ARMC3: variants seen among roughly 807,000 people sequenced by gnomAD.
ARMC3 encodes armadillo repeat containing 3.
ARMC3 carries 74 observed loss-of-function variants against 90.3 expected under a neutral mutation model. That is an observed-to-expected ratio of 0.82 (90% CI 0.68 to 0.99). The LOEUF (loss-of-function observed/expected upper bound fraction) is 0.99, where lower values mean the gene tolerates loss of function less well. Ranked by LOEUF, ARMC3 falls within the 50% of genes least tolerant of loss-of-function variation. The pLI is 0.00. For synonymous variants in ARMC3, 334 were observed against 361.8 expected (o/e 0.92, Z 0.87); for missense variants, 958 against 1,042.8 (o/e 0.92, Z 1.12).
intron 1 of ARMC3, among the ~76,000 whole-genome samples, chr10:22,931,296 T>C (rs1833921918): frequency 6.6e-6 from 1 of 152,202 alleles, no homozygotes; most frequent in Non-Finnish European, 1.5e-5. Flanking sequence ...TCCATTCCTT[T>C]CACTTTTTCC....
At chr10:23,006,445 A>G (rs1837618879) in intron 13 of ARMC3, among the ~76,000 whole-genome samples, 1 of 152,248 alleles carries the variant, frequency 6.6e-6, no homozygotes, top group Admixed American at 6.5e-5. Flanking sequence ...AAAGTGATCT[A>G]GTCTAGCCCT....
chr10:22,968,451 A>C lies in ARMC3; in HGVS notation c.878A>C (p.Lys293Thr), dbSNP rs1165427883. The C allele has an allele frequency of 6.2e-7, 1 of 1,604,874 alleles. No homozygotes were observed. Among genetic ancestry groups the C allele is most frequent in the South Asian group, 1.1e-5 (1 of 89,270 alleles). The change falls in exon 8 of 19, where the codon AAG (lysine) becomes ACG (threonine). Residue 293 changes from lysine (K) to threonine (T), a missense_variant. Coordinates refer to ENST00000298032, the MANE Select transcript of ARMC3 (RefSeq NM_173081.5). ...AENSTIPDIQKNAAKAITKAA... is the reference protein window; with the variant it reads ...AENSTIPDIQTNAAKAITKAA... ...AACTCTACAATTCCTGATATTCAGA[A>C]GAATGCAGCAAAAGCCATTACTAAA...
chr10:23,037,221 C>T (rs776316345), intron 18 of ARMC3, 49 bp from the exon 19 acceptor site: 1 of 1,465,038 alleles, frequency 6.8e-7, no homozygotes, highest in Non-Finnish European at 9.2e-7. Flanking sequence ...GGATATTCCC[C>T]ACCCCTCTCC....
chr10:22,985,697 C>T (rs953770058), intron 10 of ARMC3, among the ~76,000 whole-genome samples: 1 of 152,108 alleles, frequency 6.6e-6, no homozygotes, highest in Non-Finnish European at 1.5e-5. Flanking sequence ...GTTATGGATA[C>T]GTGGATATGG....
Position 23,008,360 on chromosome 10 carries a change from T to A in ARMC3, c.1914T>A (p.Ser638Arg). Residue 638 changes from serine (S) to arginine (R), a missense_variant, in exon 15 of 19, where the codon AGT becomes AGA. Physicochemically the swap from Ser to Arg is moderately radical, Grantham distance 110. Transcript: ENST00000298032. Reference sequence around the variant, plus strand: ...CTTCATCTTCCTTAAGAAGATCAAGTAAAGAAAAGAACAAGTAAGAAAATG... The same window carrying A: ...CTTCATCTTCCTTAAGAAGATCAAGAAAAGAAAAGAACAAGTAAGAAAATG... Reference protein sequence around the residue: ...ISSSSSLRRSSKEKNKKNSYH... With the variant: ...ISSSSSLRRSRKEKNKKNSYH... 1 of 1,472,152 alleles carries A rather than the reference T, an allele frequency of 6.8e-7. No individual in the cohort carries two copies. The highest frequency in any genetic ancestry group is 9.3e-7 in the Non-Finnish European group (1 of 1,071,140). The allele number at this position is 1,472,152 out of a possible 1,614,324, so 91.2% of individuals were successfully genotyped here. A position where few individuals can be genotyped will look rare whatever the true frequency, so the allele number is the denominator to read the frequency against.
chr10:22,997,764 G>A (rs1375724838), intron 10 of ARMC3, among the ~76,000 whole-genome samples: 1 of 152,126 alleles, frequency 6.6e-6, no homozygotes, highest in Non-Finnish European at 1.5e-5. Context: ...TATGGTTCAT[G>A]TATGAAATCA....
chr10:22,974,440 A>T (rs944515460), intron 8 of ARMC3, among the ~76,000 whole-genome samples: 2 of 152,084 alleles, frequency 1.3e-5, no homozygotes, highest in African/African-American at 4.8e-5. Flanking sequence ...TTTATGTTTT[A>T]TGCTTTCTGT....
intron 3 of ARMC3, among the ~76,000 whole-genome samples, chr10:22,953,159 G>C (rs1213874201): frequency 6.6e-6 from 1 of 152,120 alleles, no homozygotes; most frequent in Non-Finnish European, 1.5e-5. Context: ...GGTCAGAAGG[G>C]CGTGATTTCT....
intron 2 of ARMC3, among the ~76,000 whole-genome samples, chr10:22,942,446 G>A (rs2131169719): frequency 6.6e-6 from 1 of 152,272 alleles, no homozygotes; most frequent in South Asian, 2.1e-4. Flanking sequence ...AAAGTAATGA[G>A]AACACTTCTC....
chr10:23,014,137 T>C lies in ARMC3; in HGVS notation c.2045+5206T>C, dbSNP rs762032403. 42 of 1,546,572 alleles carry C rather than the reference T, an allele frequency of 2.7e-5. No homozygotes were observed. In the South Asian group the frequency reaches 3.7e-4, roughly 14 times the overall value. On this transcript the variant is annotated intron_variant, in intron 16 of 18. Coordinates refer to ENST00000298032, the MANE Select transcript of ARMC3 (RefSeq NM_173081.5). The stretch of plus-strand genomic sequence containing the variant: ...TTCAAGATAAACCCTGAAGCACTCC[T>C]AGGATTTAAGAGGATTGTTGGCATG...
chr10:22,968,247 A>T, intron 7 of ARMC3, 59 bp from the exon 8 acceptor site: 1 of 1,500,460 alleles, frequency 6.7e-7, no homozygotes, highest in Non-Finnish European at 9.2e-7. Context: ...TTGTAGTCAA[A>T]TTTGGGAAGT....
intron 14 of ARMC3, among the ~76,000 whole-genome samples, chr10:23,007,448 C>T (rs1027874709): frequency 1.3e-5 from 2 of 152,152 alleles, no homozygotes; most frequent in African/African-American, 4.8e-5. Flanking sequence ...TGGCTGACAC[C>T]TGTAATCCCA....
intron 18 of ARMC3, among the ~76,000 whole-genome samples, chr10:23,034,783 G>T (rs1000500531): frequency 6.6e-5 from 10 of 152,134 alleles, no homozygotes; most frequent in African/African-American, 2.4e-5. Context: ...GTTCCTCAAG[G>T]TTCTGACCCA....
intron 10 of ARMC3, among the ~76,000 whole-genome samples, chr10:22,982,752 C>G (rs1366517832): frequency 1.3e-5 from 2 of 152,054 alleles, no homozygotes; most frequent in Non-Finnish European, 2.9e-5. Flanking sequence ...TGTTAGTTAG[C>G]TTTCATTTAT....
chr10:22,953,976 C>A (rs1031042234), intron 3 of ARMC3, among the ~76,000 whole-genome samples: 7 of 152,196 alleles, frequency 4.6e-5, no homozygotes, highest in Non-Finnish European at 1.5e-5. Context: ...GTTTTATATT[C>A]TCACCAGCAA....
rs1289157810 is a variant in ARMC3 at position 23,030,734 on chromosome 10, T to C, written c.2184T>C (p.Tyr728=). 1 of 1,613,864 alleles carries C rather than the reference T, an allele frequency of 6.2e-7. No individual in the cohort carries two copies. Among genetic ancestry groups the C allele is most frequent in the Middle Eastern group, 1.7e-4 (1 of 6,056 alleles). ...ACCCTGATTTCTCTATGTATGTGTA[T>C]GAGGTGACCAAATCAATACTGCCAA... ...PSDPDFSMYV[Y]EVTKSILPIT... is the part of the protein sequence containing the mutation. Residue 728 remains tyrosine (Y), a synonymous_variant, in exon 17 of 19, where the codon TAT becomes TAC. Transcript: ENST00000298032.
chr10:22,938,330 C>A (rs1834191604), intron 2 of ARMC3, among the ~76,000 whole-genome samples: 1 of 152,062 alleles, frequency 6.6e-6, no homozygotes, highest in Non-Finnish European at 1.5e-5. Context: ...ATGGTGGTGA[C>A]CACGTAGGAC....
intron 10 of ARMC3, among the ~76,000 whole-genome samples, chr10:22,984,489 A>G (rs1208702248): frequency 6.6e-6 from 1 of 152,156 alleles, no homozygotes; most frequent in African/African-American, 2.4e-5. Flanking sequence ...TTTGTAATCT[A>G]AAAATAGAAT....
At chr10:22,973,403 G>A (rs927108293) in intron 8 of ARMC3, among the ~76,000 whole-genome samples, 4 of 150,632 alleles carry the variant, frequency 2.7e-5, no homozygotes, top group African/African-American at 7.3e-5. Context: ...CATATTCTTT[G>A]AGGCCTGGTA....
Sources: allele counts gnomAD v4.1 joint callset (sites outside exome capture counted in the v4.1 genomes callset), GRCh38; gene constraint gnomAD v4.1.1; transcripts MANE v1.5; gene names NCBI Gene and HGNC (gene_info 2026-07-23, HGNC 2026-07-21).